The following ZPBP variants were observed in gnomAD, a reference collection of about 807,000 sequenced individuals.
ZPBP encodes zona pellucida binding protein.
In ZPBP, 26 loss-of-function variants were observed where a neutral mutation model predicts 44.8. The ratio of observed to expected loss-of-function variants is 0.58; its 90% confidence interval spans 0.43 to 0.81. The LOEUF is 0.81. Among genes scored for constraint, ZPBP ranks in the 30% least tolerant of loss-of-function variants. The pLI, the probability that ZPBP is intolerant of heterozygous loss-of-function variation, is 0.00. For missense variants in ZPBP, 409 were observed against 434.0 expected (o/e 0.94, Z 0.51); for synonymous variants, 174 against 153.2 (o/e 1.14, Z -1.00).
chr7:49,982,259 T>TAA (rs1797035362), intron 7 of ZPBP, among the ~76,000 whole-genome samples: 1 of 105,572 alleles, frequency 9.5e-6, no homozygotes, highest in Non-Finnish European at 1.8e-5. Flanking sequence ...TATATTTATA[T>TAA]TATATATTAT....
At chr7:50,060,650 T>C (rs1801195702) in intron 3 of ZPBP, among the ~76,000 whole-genome samples, 1 of 152,146 alleles carries the variant, frequency 6.6e-6, no homozygotes. Context: ...GAGTAAGTTC[T>C]GACACTGAAA....
chr7:49,942,018 A>G (rs973176621), intron 7 of ZPBP, among the ~76,000 whole-genome samples: 2 of 152,006 alleles, frequency 1.3e-5, no homozygotes, highest in African/African-American at 4.8e-5. Flanking sequence ...GGAAAGAACA[A>G]TTTTTTTCAC....
At chr7:50,058,610 T>A (rs1268000561) in intron 3 of ZPBP, among the ~76,000 whole-genome samples, 2 of 152,078 alleles carry the variant, frequency 1.3e-5, no homozygotes, top group African/African-American at 4.8e-5. Context: ...ATATAATCAC[T>A]AACAAGAGAT....
chr7:49,893,652 C>A (rs1187268487), intron 2 of ZPBP, among the ~76,000 whole-genome samples: 1 of 134,960 alleles, frequency 7.4e-6, no homozygotes. Context: ...TTTTTTTTAT[C>A]CTTTTGAGAC....
chr7:49,934,328 G>C (rs1794554996), downstream of ZPBP, among the ~76,000 whole-genome samples: 1 of 152,114 alleles, frequency 6.6e-6, no homozygotes, highest in South Asian at 2.1e-4. Flanking sequence ...TGATATTGGA[G>C]AGATAAGCAA....
chr7:49,858,153 C>T (rs968174060), intron 2 of ZPBP, among the ~76,000 whole-genome samples: 5 of 152,316 alleles, frequency 3.3e-5, no homozygotes, highest in East Asian at 3.9e-4. Flanking sequence ...TCCTCTCCAG[C>T]ACCTGTTGCT....
intron 1 of ZPBP, among the ~76,000 whole-genome samples, chr7:49,926,718 T>C (rs776267748): frequency 4.6e-5 from 7 of 152,098 alleles, no homozygotes; most frequent in Non-Finnish European, 1.0e-4. Context: ...GGATTAGACA[T>C]GTAAGAGATG....
intron 2 of ZPBP, among the ~76,000 whole-genome samples, chr7:49,877,120 T>C (rs1250098044): frequency 2.6e-5 from 4 of 152,088 alleles, no homozygotes; most frequent in Admixed American, 6.6e-5. Flanking sequence ...AGAAAATACA[T>C]TGGAAGACAC....
At chr7:49,958,273 A>G (rs1239048293) in intron 7 of ZPBP, among the ~76,000 whole-genome samples, 1 of 152,216 alleles carries the variant, frequency 6.6e-6, no homozygotes, top group African/African-American at 2.4e-5. Flanking sequence ...ATGCTGAAAC[A>G]AGTTAAGACT....
At chr7:49,854,011 A>G (rs1307652608) in intron 2 of ZPBP, among the ~76,000 whole-genome samples, 1 of 152,002 alleles carries the variant, frequency 6.6e-6, no homozygotes, top group Non-Finnish European at 1.5e-5. Context: ...GATGGTTTCC[A>G]GCTTCATCCA....
intron 6 of ZPBP, among the ~76,000 whole-genome samples, chr7:50,014,066 G>A (rs1345953479): frequency 1.3e-5 from 2 of 151,942 alleles, no homozygotes; most frequent in Non-Finnish European, 2.9e-5. Context: ...CTCTGAAGGA[G>A]GAGACAATAT....
intron 1 of ZPBP, among the ~76,000 whole-genome samples, chr7:49,930,440 A>G (rs1794407950): frequency 6.6e-6 from 1 of 152,260 alleles, no homozygotes; most frequent in East Asian, 1.9e-4. Flanking sequence ...AACCTTTCAC[A>G]TAATAAACAC....
At chr7:49,845,408 A>G in the ZPBP span, among the ~76,000 whole-genome samples, 2 of 152,342 alleles carry the variant, frequency 1.3e-5, no homozygotes, top group African/African-American at 4.8e-5. Flanking sequence ...TATAATTTCA[A>G]CAACAATGCT....
intron 6 of ZPBP, among the ~76,000 whole-genome samples, chr7:50,010,127 C>A (rs1385272051): frequency 6.6e-6 from 1 of 152,056 alleles, no homozygotes. Flanking sequence ...TACACATCTA[C>A]AAGCTTATTC....
At chr7:49,968,820 A>G (rs1796167297) in intron 7 of ZPBP, among the ~76,000 whole-genome samples, 1 of 152,012 alleles carries the variant, frequency 6.6e-6, no homozygotes, top group South Asian at 2.1e-4. Context: ...ATTCCAATCA[A>G]CAACAGAATG....
intron 1 of ZPBP, among the ~76,000 whole-genome samples, chr7:49,911,588 A>G (rs1263193743): frequency 6.6e-6 from 1 of 151,998 alleles, no homozygotes; most frequent in African/African-American, 2.4e-5. Context: ...TCCTTCATAA[A>G]AGAAACTGAA....
intron 2 of ZPBP, among the ~76,000 whole-genome samples, chr7:49,886,875 T>G (rs773857122): frequency 2.6e-5 from 4 of 152,212 alleles, no homozygotes; most frequent in Non-Finnish European, 5.9e-5. Flanking sequence ...ATGTTTCAAT[T>G]GTTGGACCTC....
intron 7 of ZPBP, chr7:49,943,323 A>G: frequency 3.5e-6 from 1 of 287,796 alleles, no homozygotes; most frequent in South Asian, 3.5e-5. Flanking sequence ...TCTGTCTTCA[A>G]GTCCTCAGAA....
intron 2 of ZPBP, among the ~76,000 whole-genome samples, chr7:49,859,148 A>G (rs1310366917): frequency 6.6e-6 from 1 of 152,206 alleles, no homozygotes; most frequent in East Asian, 1.9e-4. Context: ...TGTGTCTTCA[A>G]CGTTACTCAG....
Sources: allele counts gnomAD v4.1 joint callset (sites outside exome capture counted in the v4.1 genomes callset), GRCh38; gene constraint gnomAD v4.1.1; transcripts MANE v1.5; gene names NCBI Gene and HGNC (gene_info 2026-07-23, HGNC 2026-07-21).